The following DCDC2C variants were observed in gnomAD, a reference collection of about 807,000 sequenced individuals.
The protein encoded by DCDC2C is doublecortin domain containing 2C.
DCDC2C carries 44 observed loss-of-function variants against 45.0 expected under a neutral mutation model. The ratio of observed to expected loss-of-function variants is 0.98; its 90% CI spans 0.77 to 1.26. The LOEUF is 1.26. Ranked by LOEUF, DCDC2C falls within the 50% of genes most tolerant of loss-of-function variation. DCDC2C has a pLI of 0.00. For synonymous variants in DCDC2C, 187 were observed against 178.8 expected (o/e 1.05, Z -0.37); for missense variants, 447 against 468.9 (o/e 0.95, Z 0.43).
At chr2:3,718,077 C>T (rs1396011392) in intron 2 of DCDC2C, among the ~76,000 whole-genome samples, 2 of 152,200 alleles carry the variant, frequency 1.3e-5, no homozygotes, top group Non-Finnish European at 2.9e-5. Context: ...GCTCCCAGCC[C>T]TCTGAGGCCA....
At chr2:3,775,719 C>G (rs113587402) in intron 8 of DCDC2C, among the ~76,000 whole-genome samples, 1 of 9,692 alleles carries the variant, frequency 1.0e-4, no homozygotes. Context: ...AGCTGTGGCT[C>G]TGAGCTAGGC....
chr2:3,769,419 T>G lies in DCDC2C; in HGVS notation c.954+8T>G. On this transcript the variant is annotated splice_region_variant and intron_variant, in intron 8 of 10. Transcript: ENST00000399143. The stretch of plus-strand genomic sequence containing the variant: ...GAGGTGCCTGTGGACCAGGTGGGTG[T>G]CCGGGGTCCGATGTCCATGCCGTCT... 1 of 1,549,630 alleles carries G rather than the reference T, an allele frequency of 6.5e-7. No individual in the cohort carries two copies. Among genetic ancestry groups the G allele is most frequent in the Non-Finnish European group, 8.7e-7 (1 of 1,146,386 alleles).
At chr2:3,804,906 C>G (rs1337895032) in intron 10 of DCDC2C, among the ~76,000 whole-genome samples, 5 of 152,302 alleles carry the variant, frequency 3.3e-5, no homozygotes, top group Admixed American at 2.6e-4. Flanking sequence ...CTTTCTAGGT[C>G]TATTTTGTCA....
At chr2:3,750,280 T>C (rs1226577271) in intron 4 of DCDC2C, among the ~76,000 whole-genome samples, 1 of 152,200 alleles carries the variant, frequency 6.6e-6, no homozygotes, top group Non-Finnish European at 1.5e-5. Flanking sequence ...TTTTGGGTTA[T>C]GATGAATATG....
chr2:3,839,726 C>T (rs1558250424), intron 10 of DCDC2C, among the ~76,000 whole-genome samples: 3 of 152,206 alleles, frequency 2.0e-5, no homozygotes, highest in African/African-American at 7.2e-5. Context: ...TCTCGAATTC[C>T]TCCTTCCCTG....
chr2:3,727,594 G>A (rs773247542), intron 3 of DCDC2C, among the ~76,000 whole-genome samples: 22 of 152,216 alleles, frequency 1.4e-4, no homozygotes, highest in African/African-American at 4.3e-4. Flanking sequence ...CTCACTGGCC[G>A]CTGCCCTGGG....
chr2:3,816,227 A>G (rs58350639), intron 10 of DCDC2C, among the ~76,000 whole-genome samples: 3,155 of 152,320 alleles, frequency 0.021, 96 homozygotes, highest in African/African-American at 0.072. Flanking sequence ...GAAGACACAA[A>G]GTCCGAATAA....
intron 10 of DCDC2C, among the ~76,000 whole-genome samples, chr2:3,829,202 T>C (rs1671896397): frequency 6.6e-6 from 1 of 152,056 alleles, no homozygotes. Context: ...AGTTTCTTTG[T>C]GTGCTGTGAG....
At chr2:3,736,184 C>G (rs1157993378) in intron 3 of DCDC2C, among the ~76,000 whole-genome samples, 1 of 152,128 alleles carries the variant, frequency 6.6e-6, no homozygotes, top group Admixed American at 6.5e-5. Flanking sequence ...GGGAAGGAGT[C>G]CCTGGGGACA....
intron 10 of DCDC2C, among the ~76,000 whole-genome samples, chr2:3,786,868 A>G (rs1402530562): frequency 1.3e-5 from 2 of 152,262 alleles, no homozygotes; most frequent in Admixed American, 6.5e-5. Flanking sequence ...AGGTTTACTT[A>G]CTTTTCAAGA....
chr2:3,778,444 A>G (rs1248706757), intron 8 of DCDC2C, among the ~76,000 whole-genome samples: 6 of 152,174 alleles, frequency 3.9e-5, no homozygotes, highest in Non-Finnish European at 2.9e-5. Context: ...ACCCACTGCT[A>G]TGTGAGGAGT....
intron 9 of DCDC2C, among the ~76,000 whole-genome samples, chr2:3,779,672 C>A (rs1670456580): frequency 6.6e-6 from 1 of 152,276 alleles, no homozygotes; most frequent in Admixed American, 6.5e-5. Context: ...GCACAGGAGG[C>A]TGTGTAATGA....
At chr2:3,786,268 A>G (rs769439527) in intron 10 of DCDC2C, among the ~76,000 whole-genome samples, 87 of 117,560 alleles carry the variant, frequency 7.4e-4, no homozygotes, top group Non-Finnish European at 9.9e-4. Context: ...TCTGATGTGG[A>G]TGTTTCCCGC....
intron 1 of DCDC2C, among the ~76,000 whole-genome samples, chr2:3,705,000 T>G (rs1440872262): frequency 2.0e-5 from 3 of 152,194 alleles, no homozygotes; most frequent in Non-Finnish European, 2.9e-5. Context: ...GAACTACTCC[T>G]TTTGTATAGC....
At chr2:3,819,253 G>A (rs557489725) in intron 10 of DCDC2C, among the ~76,000 whole-genome samples, 1 of 152,350 alleles carries the variant, frequency 6.6e-6, no homozygotes, top group South Asian at 2.1e-4. Context: ...TGCCAGGCGA[G>A]TTGGACAGTC....
chr2:3,769,180 C>T (rs905978724), intron 7 of DCDC2C, 131 bp from the exon 8 acceptor site: 3 of 756,484 alleles, frequency 4.0e-6, no homozygotes, highest in Admixed American at 2.2e-5. Flanking sequence ...GGGTTTGGGA[C>T]TGCAGACCAG....
At position 3,734,112 on chromosome 2, in the gene DCDC2C, C is replaced by T. The variant is rs182473695; in HGVS notation, c.416+7033C>T. 3.0e-4 allele frequency among the ~76,000 whole-genome samples: 46 copies of T among 152,320 alleles called. No individual in the cohort carries two copies. The highest frequency in any genetic ancestry group is 1.0e-3 in the African/African-American group (43 of 41,564). The stretch of plus-strand genomic sequence containing the variant: ...GGGCTACCGGCTGCTGTCGTAAATC[C>T]CCCATTTCCGTGGCACACCAACATC... On this transcript the variant is annotated intron_variant, in intron 3 of 10. Coordinates refer to ENST00000399143, the MANE Select transcript of DCDC2C (RefSeq NM_001287444.2). This position sits in a 1 kb window ranked among gnomAD's most constrained non-coding sequence, Gnocchi z 4.2.
intron 6 of DCDC2C, among the ~76,000 whole-genome samples, chr2:3,766,257 C>T (rs1670008165): frequency 6.6e-6 from 1 of 151,592 alleles, no homozygotes; most frequent in Admixed American, 6.6e-5. Context: ...GAGTACTATT[C>T]CAGAGATAAT....
chr2:3,792,346 C>T (rs887824284), intron 10 of DCDC2C, among the ~76,000 whole-genome samples: 118 of 152,252 alleles, frequency 7.8e-4, no homozygotes, highest in African/African-American at 2.6e-3. Flanking sequence ...CTGTTCTCCA[C>T]GAGTGGCCCC....
Sources: gnomAD v4.1 joint callset for allele counts (sites outside exome capture counted in the v4.1 genomes callset) on GRCh38, gnomAD v4.1.1 for gene constraint, Gnocchi (gnomAD v3.1) non-coding constraint, MANE v1.5 for transcripts, NCBI Gene and HGNC (gene_info 2026-07-23, HGNC 2026-07-21) for gene names.